Variants in ANO6 observed in about 807,000 individuals in gnomAD.
The protein encoded by ANO6 is anoctamin 6, also known as anoctamin-6.
Under a neutral mutation model 117.5 loss-of-function variants are expected in ANO6, and 106 were observed. The ratio of observed to expected loss-of-function variants is 0.90; its 90% CI spans 0.77 to 1.06. ANO6 has a LOEUF of 1.06. ANO6 is among the 50% of genes least tolerant of loss of function. The pLI is 0.00. For missense variants in ANO6, 955 were observed against 1,121.1 expected, an observed-to-expected ratio of 0.85 and a Z score of 2.12; for synonymous variants, 367 against 385.1, an observed-to-expected ratio of 0.95 and a Z score of 0.55.
chr12:45,279,611 G>A (rs1266463768), intron 1 of ANO6, among the ~76,000 whole-genome samples: 5 of 152,224 alleles, frequency 3.3e-5, no homozygotes, highest in African/African-American at 1.2e-4. Flanking sequence ...ATTATGGGGC[G>A]AGTACGTGGA....
At chr12:45,328,717 G>C (rs899910502) in intron 2 of ANO6, among the ~76,000 whole-genome samples, 1 of 152,012 alleles carries the variant, frequency 6.6e-6, no homozygotes, top group Non-Finnish European at 1.5e-5. Flanking sequence ...AAAAATAGAA[G>C]ATTCCATATT....
rs74083325 is a variant in ANO6, at chr12:45,331,783, A to G, written c.279+360A>G. Among the ~76,000 whole-genome samples, 1,342 of 152,202 alleles carry G rather than the reference A, an allele frequency of 8.8e-3. 23 individuals are homozygous for G. Among genetic ancestry groups the G allele is most frequent in the African/African-American group, 0.031 (1,292 of 41,538 alleles). Reference sequence around the variant, plus strand: ...ACAAGTGTAATAACAACTAGCTTTCAATGTGTGCTCACTCAGGTATTGTAC... The same window carrying G: ...ACAAGTGTAATAACAACTAGCTTTCGATGTGTGCTCACTCAGGTATTGTAC... On this transcript the variant is annotated intron_variant, in intron 3 of 19. Transcript: ENST00000320560.
chr12:45,245,462 CTCCTT>C (rs1317654933), intron 1 of ANO6, among the ~76,000 whole-genome samples: 2 of 146,956 alleles, frequency 1.4e-5, no homozygotes, highest in African/African-American at 5.0e-5. Flanking sequence ...AATAGACTCT[CTCCTT>C]TCCTTGGGTT....
intron 1 of ANO6, among the ~76,000 whole-genome samples, chr12:45,238,151 C>CTTTTTTT (rs71437709): frequency 1.5e-4 from 20 of 130,864 alleles, no homozygotes; most frequent in East Asian, 8.9e-4. Context: ...TTTTCTTTTT[C>CTTTTTTT]TTTTTTTTTT....
In ANO6 at chr12:45,420,332, T is replaced by G. The variant is rs555182493; in HGVS notation, c.2218-739T>G. Among the ~76,000 whole-genome samples, 5 of 152,310 alleles carry G rather than the reference T, an allele frequency of 3.3e-5. No homozygotes were observed. The South Asian group carries it at 1.0e-3, about 32-fold the overall frequency. ...TGTTGACTCTGATTACATGTGCAAG[T>G]CTTCTAGGCTGAGATCAGTGGCTCG... On this transcript the variant is annotated intron_variant, in intron 17 of 19. Coordinates refer to ENST00000320560, the MANE Select transcript of ANO6 (RefSeq NM_001025356.3).
intron 1 of ANO6, among the ~76,000 whole-genome samples, chr12:45,266,433 T>C (rs75000597): frequency 1.2e-3 from 180 of 152,336 alleles, no homozygotes; most frequent in Non-Finnish European, 2.3e-3. Flanking sequence ...GGTTGGCACA[T>C]AAATATGGCA....
intron 7 of ANO6, among the ~76,000 whole-genome samples, chr12:45,353,911 A>G (rs1282863322): frequency 1.4e-5 from 2 of 143,154 alleles, no homozygotes; most frequent in Admixed American, 6.8e-5. Context: ...ACGCATTAGA[A>G]AAATGAAGTT....
At chr12:45,398,252 T>C (rs1942682284) in intron 12 of ANO6, among the ~76,000 whole-genome samples, 1 of 152,056 alleles carries the variant, frequency 6.6e-6, no homozygotes, top group Non-Finnish European at 1.5e-5. Flanking sequence ...TAATGTGCAA[T>C]TACAAAGGAA....
rs181049649 is a variant in ANO6 at position 45,298,150 on chromosome 12, G to T, written c.71-3864G>T. Among the ~76,000 whole-genome samples, 203 of 152,242 alleles carry T rather than the reference G, an allele frequency of 1.3e-3. 2 individuals are homozygous for T. The highest frequency in any genetic ancestry group is 4.6e-3 in the African/African-American group (193 of 41,546). The stretch of plus-strand genomic sequence containing the variant: ...ATAACTATTTTTTGTTTTCTAGTCA[G>T]CCGTTTGATGAACAGATAACATAGA... On this transcript the variant is annotated intron_variant, in intron 1 of 19. Transcript: ENST00000320560.
intron 4 of ANO6, 174 bp downstream of exon 4, chr12:45,347,261 A>T: frequency 1.6e-6 from 1 of 609,014 alleles, no homozygotes; most frequent in Non-Finnish European, 2.9e-6. Flanking sequence ...TTTTTTTCTG[A>T]TCAAAACTAG....
rs929158350 is a variant in ANO6 at position 45,432,014 on chromosome 12, T to TGTC, written c.*2704_*2706dup. 3.0e-6 allele frequency: 3 copies of TGTC among 985,426 alleles called. No individual in the cohort carries two copies. In the African/African-American group the frequency reaches 5.2e-5, roughly 17 times the overall value. 61.0% of individuals were successfully genotyped at this position (985,426 alleles called of 1,614,324 possible). ...AACTAAACAAGGCCATCTTATAAAC[T>TGTC]GTCACCAAAGTCTTCCCTTTTTTAT... On this transcript the variant is annotated 3_prime_UTR_variant, in exon 20 of 20. Coordinates refer to ENST00000320560, the MANE Select transcript of ANO6 (RefSeq NM_001025356.3).
chr12:45,370,079 G>A (rs555492036), intron 9 of ANO6, among the ~76,000 whole-genome samples: 1 of 152,274 alleles, frequency 6.6e-6, no homozygotes, highest in African/African-American at 2.4e-5. Flanking sequence ...TGTGACTAAA[G>A]CAGTATGCTG....
At chr12:45,358,836 G>A (rs949369235) in intron 8 of ANO6, among the ~76,000 whole-genome samples, 14 of 149,478 alleles carry the variant, frequency 9.4e-5, no homozygotes, top group Non-Finnish European at 1.5e-4. Context: ...CCAGGCTGGC[G>A]TGCAGTGGCG....
chr12:45,331,269 A>G (rs753113905), intron 2 of ANO6, 26 bp from the exon 3 acceptor site: 22 of 1,586,316 alleles, frequency 1.4e-5, no homozygotes, highest in Non-Finnish European at 1.9e-5. Flanking sequence ...ATTATATATT[A>G]CAATTTGTTT....
chr12:45,398,865 AATGTT>A (rs2137617506), intron 12 of ANO6, among the ~76,000 whole-genome samples: 1 of 152,328 alleles, frequency 6.6e-6, no homozygotes, highest in African/African-American at 2.4e-5. Flanking sequence ...TTTCCTATTT[AATGTT>A]ATTTTTGTTA....
chr12:45,289,717 C>T (rs1939033740), intron 1 of ANO6, among the ~76,000 whole-genome samples: 2 of 152,134 alleles, frequency 1.3e-5, no homozygotes, highest in African/African-American at 4.8e-5. Flanking sequence ...TTGGTAAATA[C>T]TCAATTTGTG....
chr12:45,424,211 A>G (rs980197735), intron 19 of ANO6, among the ~76,000 whole-genome samples: 7 of 151,320 alleles, frequency 4.6e-5, no homozygotes, highest in African/African-American at 1.7e-4. Context: ...GTCCTTACAT[A>G]TGCAGTGGAC....
intron 1 of ANO6, among the ~76,000 whole-genome samples, chr12:45,282,318 T>C (rs756518547): frequency 4.6e-5 from 7 of 152,170 alleles, no homozygotes; most frequent in Non-Finnish European, 7.4e-5. Context: ...GAACCTTTAG[T>C]CTACCTGTGT....
chr12:45,291,493 A>G (rs1311545405), intron 1 of ANO6, among the ~76,000 whole-genome samples: 2 of 152,168 alleles, frequency 1.3e-5, no homozygotes, highest in African/African-American at 2.4e-5. Context: ...ATTTTTGTGC[A>G]TCAAGGGATA....
Sources: gnomAD v4.1 joint callset for allele counts (sites outside exome capture counted in the v4.1 genomes callset) on GRCh38, gnomAD v4.1.1 for gene constraint, MANE v1.5 for transcripts, NCBI Gene and HGNC (gene_info 2026-07-23, HGNC 2026-07-21) for gene names.